TPGS1: variants seen among roughly 807,000 people sequenced by gnomAD.
TPGS1 encodes tubulin polyglutamylase complex subunit 1, also known as gene trap ROSA b-geo 22.
In TPGS1, 18 loss-of-function variants were observed where a neutral mutation model predicts 11.9. The ratio of observed to expected loss-of-function variants is 1.51; its 90% CI spans 1.04 to 2.24. The LOEUF is 2.24. Among genes scored for constraint, TPGS1 ranks in the 30% most tolerant of loss-of-function variants. The pLI is 0.00. For synonymous variants in TPGS1, 247 were observed against 218.2 expected (o/e 1.13, Z -1.16); for missense variants, 500 against 443.0 (o/e 1.13, Z -1.16).
At chr19:511,996 C>G (rs569362664) in intron 1 of TPGS1, among the ~76,000 whole-genome samples, 2 of 152,120 alleles carry the variant, frequency 1.3e-5, no homozygotes, top group Non-Finnish European at 2.9e-5. Context: ...CTCAGCCTCC[C>G]GAGTAGCTGG....
In TPGS1 at chr19:507,642, GA is replaced by G; in HGVS notation, c.139del (p.Met47CysfsTer7). 7.2e-7 allele frequency: 1 copy of G among 1,393,008 alleles called. No individual in the cohort carries two copies. Among genetic ancestry groups the G allele is most frequent in the Non-Finnish European group, 9.4e-7 (1 of 1,059,218 alleles). 86.3% of individuals were successfully genotyped at this position (1,393,008 alleles called of 1,614,324 possible). A position where few individuals can be genotyped will look rare whatever the true frequency, so the allele number is the denominator to read the frequency against. On this transcript the variant is annotated frameshift_variant, in exon 1 of 2. Coordinates refer to ENST00000359315, the MANE Select transcript of TPGS1 (RefSeq NM_033513.3). LOFTEE classifies it high-confidence loss of function. Reference sequence around the variant, plus strand: ...CTTCCTGCGGCAGGTCGGCGTGACGGAAATGCTACGTGCGGCCCTGCTGAAG... The same window carrying G: ...CTTCCTGCGGCAGGTCGGCGTGACGGAATGCTACGTGCGGCCCTGCTGAAG... ...EDFLRQVGVT[E>X]MLRAALLKVL...
chr19:514,263 C>T (rs1978889137), intron 1 of TPGS1, among the ~76,000 whole-genome samples: 1 of 151,826 alleles, frequency 6.6e-6, no homozygotes, highest in Non-Finnish European at 1.5e-5. Context: ...CGTGTACTGG[C>T]CCTGCATTCA....
chr19:507,784 T>G lies in TPGS1; in HGVS notation c.278T>G (p.Leu93Arg), dbSNP rs747041073. The change falls in exon 1 of 2, where the codon CTG (leucine) becomes CGG (arginine). Residue 93 changes from leucine to arginine, a missense_variant. Physicochemically the swap from Leu to Arg is moderately radical, Grantham distance 102 (BLOSUM62 -2). Coordinates refer to ENST00000359315, the MANE Select transcript of TPGS1 (RefSeq NM_033513.3). ...GGGGAGCCCCCGGGCCAGCTCCTGC[T>G]GCAGCAGCAGCGCCTGGGCCGCGCG... Reference protein sequence around the residue: ...GAGEPPGQLLLQQQRLGRALW... With the variant: ...GAGEPPGQLLRQQQRLGRALW... 7.2e-7 allele frequency: 1 copy of G among 1,389,818 alleles called. No individual in the cohort carries two copies. Among genetic ancestry groups the G allele is most frequent in the Non-Finnish European group, 9.3e-7 (1 of 1,074,876 alleles). 86.1% of individuals were successfully genotyped at this position (1,389,818 alleles called of 1,614,324 possible).
Position 519,061 on chromosome 19 carries a change from C to T in TPGS1, c.511C>T (p.Arg171Cys), listed in dbSNP as rs576983943. Residue 171 changes from arginine (R) to cysteine (C), a missense_variant, in exon 2 of 2, where the codon CGT becomes TGT. Arg to Cys is a radical substitution (Grantham distance 180). Transcript: ENST00000359315. ...GCCGCTGCTGCGCAAGGTGCAGTGC[C>T]GTGACCACGAGGCGGTGCCGCTGAG... ...VAPLLRKVQCRDHEAVPLSVF... is the reference protein window; with the variant it reads ...VAPLLRKVQCCDHEAVPLSVF... 7.1e-6 allele frequency: 11 copies of T among 1,539,756 alleles called. No homozygotes were observed. The African/African-American group carries it at 1.4e-4, about 19-fold the overall frequency.
chr19:511,196 G>A (rs1007900395), intron 1 of TPGS1, among the ~76,000 whole-genome samples: 9 of 152,200 alleles, frequency 5.9e-5, no homozygotes, highest in South Asian at 2.1e-4. Context: ...CAGAGCTGAC[G>A]TTCCAGCCCC....
At chr19:510,723 T>G (rs1419183112) in intron 1 of TPGS1, among the ~76,000 whole-genome samples, 1 of 152,164 alleles carries the variant, frequency 6.6e-6, no homozygotes, top group African/African-American at 2.4e-5. Context: ...CCCGGAGGCC[T>G]CCTCAGCCAC....
At chr19:517,163 G>A (rs899440300) in intron 1 of TPGS1, among the ~76,000 whole-genome samples, 8 of 151,374 alleles carry the variant, frequency 5.3e-5, no homozygotes, top group African/African-American at 1.9e-4. Context: ...GACAGCGAGT[G>A]AGACAGGATG....
At chr19:518,486 G>T (rs1264997345) in intron 1 of TPGS1, among the ~76,000 whole-genome samples, 4 of 103,012 alleles carry the variant, frequency 3.9e-5, no homozygotes, top group Non-Finnish European at 6.0e-5. Flanking sequence ...GAGAGGAGGA[G>T]GCCTGGGCTG....
rs1411311596 is a variant in TPGS1 at position 512,890 on chromosome 19, G to A, written c.338+5046G>A. On this transcript the variant is annotated intron_variant, in intron 1 of 1. Transcript: ENST00000359315. ...CTCGGCTGGGCAGCCGCCATGCGGT[G>A]GGGTCGCTCGCGCAGCTCCCAGGGA... Among the ~76,000 whole-genome samples the A allele has an allele frequency of 3.9e-5, 6 of 152,338 alleles. No individual in the cohort carries two copies. In the South Asian group the frequency reaches 6.2e-4, roughly 16 times the overall value.
chr19:507,825 C>G lies in TPGS1; in HGVS notation c.319C>G (p.Leu107Val). ...GGGCCGCGCGCTATGGCACCTTCGC[C>G]TGGCCCACCACTCCCAGAGGTGCGC... ...RLGRALWHLR[L>V]AHHSQRAAFN... The change falls in exon 1 of 2, where the codon CTG (leucine) becomes GTG (valine). Residue 107 changes from leucine to valine, a missense_variant. Transcript: ENST00000359315. 1.5e-6 allele frequency: 2 copies of G among 1,349,980 alleles called. No individual in the cohort carries two copies. Among genetic ancestry groups the G allele is most frequent in the Non-Finnish European group, 1.9e-6 (2 of 1,053,404 alleles). 83.6% of individuals were successfully genotyped at this position (1,349,980 alleles called of 1,614,324 possible).
intron 1 of TPGS1, among the ~76,000 whole-genome samples, 170 bp from the exon 2 acceptor site, chr19:518,719 G>A (rs1351006785): frequency 1.4e-5 from 2 of 142,524 alleles, no homozygotes; most frequent in Non-Finnish European, 3.1e-5. Flanking sequence ...GGAGCTTCAG[G>A]GATAGAGGGT....
At chr19:511,699 C>T (rs1297391753) in intron 1 of TPGS1, among the ~76,000 whole-genome samples, 1 of 152,254 alleles carries the variant, frequency 6.6e-6, no homozygotes, top group African/African-American at 2.4e-5. Flanking sequence ...GCTGCCGCCC[C>T]CAGAGAGGAG....
intron 1 of TPGS1, among the ~76,000 whole-genome samples, chr19:512,191 G>A (rs1004857302): frequency 6.6e-6 from 1 of 151,744 alleles, no homozygotes; most frequent in Non-Finnish European, 1.5e-5. Context: ...TTTGAGCCAG[G>A]GTCTTGCTGT....
intron 1 of TPGS1, 140 bp from the exon 2 acceptor site, chr19:518,749 G>A (rs1240962140): frequency 7.5e-5 from 68 of 908,164 alleles, no homozygotes; most frequent in East Asian, 6.5e-4. Context: ...GGGAGGCCGG[G>A]GATGGGGGGT....
Position 518,945 on chromosome 19 carries a change from G to A in TPGS1, c.395G>A (p.Arg132His). 1.3e-6 allele frequency: 2 copies of A among 1,581,848 alleles called. No individual in the cohort carries two copies. Among genetic ancestry groups the A allele is most frequent in the Admixed American group, 1.7e-5 (1 of 57,952 alleles). Residue 132 changes from arginine to histidine, a missense_variant, in exon 2 of 2, where the codon CGC (arginine) becomes CAC (histidine). Coordinates refer to ENST00000359315, the MANE Select transcript of TPGS1 (RefSeq NM_033513.3). Reference protein sequence around the residue: ...VAYECLSAGGRRKRPGLDGRT... With the variant: ...VAYECLSAGGHRKRPGLDGRT... ...TACGAGTGCCTGAGCGCCGGCGGGC[G>A]CAGGAAGAGGCCGGGGCTGGACGGG...
At chr19:515,772 C>A (rs1245414777) in intron 1 of TPGS1, among the ~76,000 whole-genome samples, 1 of 151,804 alleles carries the variant, frequency 6.6e-6, no homozygotes, top group Non-Finnish European at 1.5e-5. Context: ...GTGGCTCACG[C>A]CTGTAATCCC....
chr19:514,640 C>T (rs1344138431), intron 1 of TPGS1, among the ~76,000 whole-genome samples: 1 of 152,244 alleles, frequency 6.6e-6, no homozygotes, highest in Admixed American at 6.5e-5. Flanking sequence ...GAAGGCTGCC[C>T]TCCTCACCAT....
intron 1 of TPGS1, among the ~76,000 whole-genome samples, chr19:515,151 C>T (rs1271836978): frequency 2.0e-5 from 3 of 152,158 alleles, no homozygotes; most frequent in Non-Finnish European, 2.9e-5. Flanking sequence ...GGTTATGTTC[C>T]GATAAAGCTT....
rs1600406545 is a variant in TPGS1 at position 519,351 on chromosome 19, G to A, written c.801G>A (p.Ala267=). The A allele has an allele frequency of 5.8e-6, 7 of 1,205,472 alleles. No individual in the cohort carries two copies. The East Asian group carries it at 2.1e-4, about 36-fold the overall frequency. The allele number at this position is 1,205,472 out of a possible 1,614,324, so 74.7% of individuals were successfully genotyped here. Residue 267 remains alanine, a synonymous_variant, in exon 2 of 2, where the codon GCG becomes GCA. Transcript: ENST00000359315. ...DRAVGGRRPS[A]PMTREEFLER... Reference sequence around the variant, plus strand: ...CCGTCGGGGGGCGGCGGCCCAGCGCGCCCATGACCCGCGAGGAGTTTCTGG... The same window carrying A: ...CCGTCGGGGGGCGGCGGCCCAGCGCACCCATGACCCGCGAGGAGTTTCTGG...
Sources: gnomAD v4.1 joint callset for allele counts (sites outside exome capture counted in the v4.1 genomes callset) on GRCh38, gnomAD v4.1.1 for gene constraint, MANE v1.5 for transcripts, NCBI Gene and HGNC (gene_info 2026-07-23, HGNC 2026-07-21) for gene names.